The following HK3 variants were observed in gnomAD, a reference collection of about 807,000 sequenced individuals.
HK3 encodes the protein hexokinase-3.
HK3 carries 93 observed loss-of-function variants against 91.0 expected under a neutral mutation model. That is an observed-to-expected ratio of 1.02 (90% confidence interval 0.86 to 1.21). HK3 has a LOEUF of 1.21. Among genes scored for constraint, HK3 ranks in the 50% most tolerant of loss-of-function variants. HK3 has a pLI of 0.00. For synonymous variants in HK3, 519 were observed against 516.9 expected, an observed-to-expected ratio of 1.00 and a Z score of -0.06; for missense variants, 1,235 against 1,247.4, an observed-to-expected ratio of 0.99 and a Z score of 0.15.
chr5:176,887,695 A>G lies in HK3; in HGVS notation c.1356T>C (p.Asp452=), dbSNP rs769593205. 1.2e-5 allele frequency: 20 copies of G among 1,613,180 alleles called. No individual in the cohort carries two copies. Among genetic ancestry groups the G allele is most frequent in the Non-Finnish European group, 1.6e-5 (19 of 1,179,434 alleles). Residue 452 remains aspartate, a synonymous_variant, in exon 11 of 19, where the codon GAT becomes GAC. Transcript: ENST00000292432. The surrounding 1 kb of genome is among the most constrained non-coding windows in gnomAD (Gnocchi z 4.9). The stretch of plus-strand genomic sequence containing the variant: ...CATCCACAGAGGGGATTAAGGAGAC[A>G]TCGCATTCCGGGGCCAGGAGCATCA... The part of the protein sequence containing the change: ...GTVMLLAPEC[D]VSLIPSVDGG...
Position 176,881,354 on chromosome 5 carries a change from C to T in HK3, c.2575G>A (p.Glu859Lys). 6.2e-7 allele frequency: 1 copy of T among 1,614,068 alleles called. No individual in the cohort carries two copies. Among genetic ancestry groups the T allele is most frequent in the Non-Finnish European group, 8.5e-7 (1 of 1,180,030 alleles). The change falls in exon 18 of 19, where the codon GAG (glutamate) becomes AAG (lysine). Residue 859 changes from glutamate (E) to lysine (K), a missense_variant. Physicochemically the swap from Glu to Lys is moderately conservative, Grantham distance 56. Coordinates refer to ENST00000292432, the MANE Select transcript of HK3 (RefSeq NM_002115.3). ...EKIRENRGLE[E>K]LAVSVGVDGT... ...TCCACCCCCACAGACACTGCCAGCT[C>T]TTCCAGGCCCCGGTTCTCCCGGATC...
Position 176,889,556 on chromosome 5 carries a change from T to C in HK3, c.739A>G (p.Thr247Ala), listed in dbSNP as rs1305332402. Residue 247 changes from threonine to alanine, a missense_variant, in exon 8 of 19, where the codon ACC (threonine) becomes GCC (alanine). This residue lies in a region of HK3 where 717 missense variants were observed against 751.6 expected (regional missense o/e 0.95). Coordinates refer to ENST00000292432, the MANE Select transcript of HK3 (RefSeq NM_002115.3). ...GCCTCCTCCATGTAACACGCGTTGG[T>C]GCCCGTGTCTGGCAGAGACAACCCT... ...CEVGLVVDTG[T>A]NACYMEEARH... The C allele has an allele frequency of 1.2e-6, 2 of 1,614,040 alleles. No individual in the cohort carries two copies. Among genetic ancestry groups the C allele is most frequent in the Non-Finnish European group, 1.7e-6 (2 of 1,179,982 alleles).
intron 2 of HK3, among the ~76,000 whole-genome samples, chr5:176,894,435 T>C (rs763657662): frequency 5.3e-5 from 8 of 152,096 alleles, no homozygotes; most frequent in African/African-American, 9.7e-5. Flanking sequence ...GCAGGGCAGA[T>C]GTGGGCCTGC....
intron 2 of HK3, among the ~76,000 whole-genome samples, chr5:176,895,148 G>A (rs535115401): frequency 0.044 from 5,910 of 134,472 alleles, 287 homozygotes; most frequent in Middle Eastern, 0.15. Context: ...CCACAATTTT[G>A]GCTCACTGCA....
intron 2 of HK3, 101 bp downstream of exon 2, chr5:176,895,963 G>A (rs1758900078): frequency 1.1e-6 from 1 of 908,280 alleles, no homozygotes; most frequent in Non-Finnish European, 1.8e-6. Context: ...CAGTGGAAAG[G>A]GGCTGCATGG....
intron 15 of HK3, 142 bp from the exon 16 acceptor site, chr5:176,882,269 T>C (rs1758458240): frequency 1.1e-6 from 1 of 885,908 alleles, no homozygotes; most frequent in Admixed American, 2.3e-5. Context: ...TCCTGGTCCT[T>C]CTTCCTTCCC....
Position 176,887,541 on chromosome 5 carries a change from T to A in HK3, c.1510A>T (p.Met504Leu), listed in dbSNP as rs765506846. 5.6e-6 allele frequency: 9 copies of A among 1,613,708 alleles called. No homozygotes were observed. Among genetic ancestry groups the A allele is most frequent in the Non-Finnish European group, 7.6e-6 (9 of 1,180,012 alleles). The change falls in exon 11 of 19, where the codon ATG becomes TTG. Residue 504 changes from methionine (M) to leucine (L), a missense_variant. By Grantham distance (15) the Met-to-Leu change is conservative. Transcript: ENST00000292432. This position sits in a 1 kb window ranked among gnomAD's most constrained non-coding sequence, Gnocchi z 4.9. ...HDQLAAVQAQ[M>L]RKAMAKGLRG... The stretch of plus-strand genomic sequence containing the variant: ...AGCCCCTTGGCCATGGCCTTCCGCA[T>A]CTGTGCCTGAACCGCAGCCAGTTGA...
chr5:176,890,785 A>T (rs1561683825), intron 5 of HK3, 37 bp downstream of exon 5: 2 of 1,614,100 alleles, frequency 1.2e-6, no homozygotes, highest in Non-Finnish European at 1.7e-6. Context: ...GGCTGCAGCC[A>T]CCCTCTACCC....
At chr5:176,896,941 C>T (rs1245027854) in intron 1 of HK3, among the ~76,000 whole-genome samples, 1 of 152,046 alleles carries the variant, frequency 6.6e-6, no homozygotes, top group Non-Finnish European at 1.5e-5. Flanking sequence ...GCAACATAAA[C>T]ATCAGGTGGG....
chr5:176,885,122 T>A (rs1561678511), intron 13 of HK3, among the ~76,000 whole-genome samples: 1 of 152,092 alleles, frequency 6.6e-6, no homozygotes, highest in Non-Finnish European at 1.5e-5. Context: ...GCTGATGACT[T>A]CCTGAGACAG....
chr5:176,887,680 G>A lies in HK3; in HGVS notation c.1371C>T (p.Pro457=), dbSNP rs746487036. ...CTCCCCGGCCACCACCATCCACAGA[G>A]GGGATTAAGGAGACATCGCATTCCG... ...LAPECDVSLI[P]SVDGGGRGVA... Residue 457 remains proline (P), a synonymous_variant, in exon 11 of 19, where the codon CCC becomes CCT. Coordinates refer to ENST00000292432, the MANE Select transcript of HK3 (RefSeq NM_002115.3). The surrounding 1 kb of genome is among the most constrained non-coding windows in gnomAD (Gnocchi z 4.9). 1 of 1,613,824 alleles carries A rather than the reference G, an allele frequency of 6.2e-7. No individual in the cohort carries two copies. The highest frequency in any genetic ancestry group is 1.1e-5 in the South Asian group (1 of 91,068).
chr5:176,889,548 C>T lies in HK3; in HGVS notation c.747G>A (p.Ala249=), dbSNP rs138713473. Residue 249 remains alanine, a synonymous_variant, in exon 8 of 19, where the codon GCG becomes GCA. Transcript: ENST00000292432. ...VGLVVDTGTN[A]CYMEEARHVA... is the part of the protein sequence containing the mutation. Reference sequence around the variant, plus strand: ...CATGCCGTGCCTCCTCCATGTAACACGCGTTGGTGCCCGTGTCTGGCAGAG... The same window carrying T: ...CATGCCGTGCCTCCTCCATGTAACATGCGTTGGTGCCCGTGTCTGGCAGAG... The T allele has an allele frequency of 4.1e-5, 66 of 1,614,080 alleles. No homozygotes were observed. Among genetic ancestry groups the T allele is most frequent in the Admixed American group, 3.2e-4 (19 of 60,016 alleles).
At chr5:176,886,827 C>T (rs1313008439) in intron 13 of HK3, among the ~76,000 whole-genome samples, 175 bp downstream of exon 13, 2 of 152,206 alleles carry the variant, frequency 1.3e-5, no homozygotes, top group African/African-American at 4.8e-5. Flanking sequence ...TAACCCTGGG[C>T]CTACCCTGTC....
intron 15 of HK3, among the ~76,000 whole-genome samples, chr5:176,883,043 G>T (rs1466268201): frequency 6.6e-6 from 1 of 152,286 alleles, no homozygotes; most frequent in Non-Finnish European, 1.5e-5. Flanking sequence ...GGGCTTTCAA[G>T]TTCCACTCAT....
chr5:176,898,830 G>A (rs1482688520), intron 1 of HK3, among the ~76,000 whole-genome samples: 1 of 152,196 alleles, frequency 6.6e-6, no homozygotes, highest in Non-Finnish European at 1.5e-5. Context: ...GTTGGGAGCT[G>A]CCATCGAGAA....
intron 1 of HK3, among the ~76,000 whole-genome samples, chr5:176,898,224 A>G (rs1489074666): frequency 6.6e-6 from 1 of 151,908 alleles, no homozygotes; most frequent in Non-Finnish European, 1.5e-5. Context: ...CAACTTGATC[A>G]CCTCTGCACT....
In HK3 at chr5:176,887,434, T is replaced by C. The variant is rs1183628580; in HGVS notation, c.1600+17A>G. ...AGGAGCCCATGTTTCGGTCCCACAC[T>C]CAGGCCAGGTCCTTACCGCTGCCGT... is the stretch of plus-strand genomic sequence containing the variant. On this transcript the variant is annotated intron_variant, in intron 11 of 18. Transcript: ENST00000292432. This position sits in a 1 kb window ranked among gnomAD's most constrained non-coding sequence, Gnocchi z 4.9. The C allele has an allele frequency of 1.2e-6, 2 of 1,612,130 alleles. No homozygotes were observed. Among genetic ancestry groups the C allele is most frequent in the Non-Finnish European group, 1.7e-6 (2 of 1,178,716 alleles).
chr5:176,883,151 T>A (rs1457939593), intron 15 of HK3, among the ~76,000 whole-genome samples: 1 of 152,244 alleles, frequency 6.6e-6, no homozygotes, highest in Non-Finnish European at 1.5e-5. Flanking sequence ...GCTTAACCCT[T>A]GCTGAGTGGT....
chr5:176,896,713 A>G (rs1273388526), intron 1 of HK3, among the ~76,000 whole-genome samples: 1 of 152,250 alleles, frequency 6.6e-6, no homozygotes, highest in African/African-American at 2.4e-5. Context: ...GCTAAGGCAC[A>G]TGAATTTCAT....
Sources: allele counts gnomAD v4.1 joint callset (sites outside exome capture counted in the v4.1 genomes callset), GRCh38; gene constraint gnomAD v4.1.1; regional missense constraint gnomAD v4.1.1; non-coding constraint Gnocchi (gnomAD v3.1); transcripts MANE v1.5; gene names NCBI Gene and HGNC (gene_info 2026-07-23, HGNC 2026-07-21).